The following MASTL variants were observed in gnomAD, a reference collection of about 807,000 sequenced individuals.
MASTL encodes serine/threonine-protein kinase greatwall.
Under a neutral mutation model 82.5 loss-of-function variants are expected in MASTL, and 54 were observed. That is an observed-to-expected ratio of 0.65 (90% CI 0.53 to 0.82). MASTL has a LOEUF of 0.82. Among genes scored for constraint, MASTL ranks in the 40% least tolerant of loss-of-function variants. The pLI, the probability that MASTL is intolerant of heterozygous loss-of-function variation, is 0.00. For synonymous variants in MASTL, 323 were observed against 368.9 expected, an observed-to-expected ratio of 0.88 and a Z score of 1.43; for missense variants, 950 against 1,047.8, an observed-to-expected ratio of 0.91 and a Z score of 1.29.
chr10:27,176,108 A>G (rs2058094248), intron 9 of MASTL, among the ~76,000 whole-genome samples: 1 of 151,892 alleles, frequency 6.6e-6, no homozygotes, highest in East Asian at 1.9e-4. Context: ...AAAAAAAAAA[A>G]AAAAGAAAAC....
rs568696426 is a variant in MASTL, at chr10:27,175,970, A to T, written c.2266+2711A>T. On this transcript the variant is annotated intron_variant, in intron 9 of 11. Transcript: ENST00000375940. The stretch of plus-strand genomic sequence containing the variant: ...AAATTAGCCAGGCGTGGTGGTGTGC[A>T]TCTGTAATCCCAGCTACTCAGGAGG... 2.6e-5 allele frequency among the ~76,000 whole-genome samples: 4 copies of T among 152,014 alleles called. No homozygotes were observed. The South Asian group carries it at 8.3e-4, about 31-fold the overall frequency.
intron 9 of MASTL, among the ~76,000 whole-genome samples, chr10:27,175,429 G>A (rs573565132): frequency 7.9e-4 from 120 of 152,188 alleles, no homozygotes; most frequent in Non-Finnish European, 1.5e-3. Flanking sequence ...TGATCTGCCT[G>A]CCTTGGCCTT....
intron 3 of MASTL, among the ~76,000 whole-genome samples, chr10:27,160,273 A>AGGCATGAGCT (rs1323771884): frequency 1.4e-5 from 2 of 144,518 alleles, no homozygotes; most frequent in Non-Finnish European, 3.0e-5. Context: ...CTACGATTAC[A>AGGCATGAGCT]GGCATGAGCT....
Position 27,159,521 on chromosome 10 carries a change from A to G in MASTL, c.325-98A>G. On this transcript the variant is annotated intron_variant, in intron 2 of 11. Transcript: ENST00000375940. This position sits in a 1 kb window ranked among gnomAD's most constrained non-coding sequence, Gnocchi z 4.0. ...TAGCAAGAAAAGGTCGTTTCATTAC[A>G]GAGCCATGCCAAATATTGTAACTGT... is the stretch of plus-strand genomic sequence containing the variant. The G allele has an allele frequency of 4.9e-6, 4 of 820,466 alleles. No homozygotes were observed. The highest frequency in any genetic ancestry group is 8.0e-6 in the Non-Finnish European group (4 of 496,976). 50.8% of individuals were successfully genotyped at this position (820,466 alleles called of 1,614,324 possible). A position where few individuals can be genotyped will look rare whatever the true frequency, so the allele number is the denominator to read the frequency against.
intron 9 of MASTL, among the ~76,000 whole-genome samples, chr10:27,176,202 C>T (rs953624501): frequency 2.0e-5 from 3 of 152,160 alleles, no homozygotes; most frequent in Non-Finnish European, 4.4e-5. Context: ...TTTGTTCCTA[C>T]ATTCAAGCAT....
At chr10:27,172,202 T>C (rs1031171748) in intron 8 of MASTL, among the ~76,000 whole-genome samples, 1 of 152,184 alleles carries the variant, frequency 6.6e-6, no homozygotes, top group East Asian at 1.9e-4. Context: ...TTTTCTTCCT[T>C]TGGGAAAACA....
At chr10:27,164,686 G>A (rs781360306) in intron 4 of MASTL, among the ~76,000 whole-genome samples, 8 of 151,680 alleles carry the variant, frequency 5.3e-5, no homozygotes, top group East Asian at 1.9e-4. Flanking sequence ...CGCCCTGGTC[G>A]GAGTGCAGTA....
At chr10:27,169,877 A>T in intron 7 of MASTL, 67 bp from the exon 8 acceptor site, 1 of 1,520,312 alleles carries the variant, frequency 6.6e-7, no homozygotes, top group South Asian at 1.1e-5. Context: ...ACCTTAACGG[A>T]CCATAGTTAA....
At chr10:27,165,619 T>G in intron 6 of MASTL, 80 bp downstream of exon 6, 1 of 1,486,676 alleles carries the variant, frequency 6.7e-7, no homozygotes, top group Non-Finnish European at 9.3e-7. Context: ...GAGGCAGGAT[T>G]TCTTTCTTTT....
intron 4 of MASTL, among the ~76,000 whole-genome samples, chr10:27,163,622 GTT>G (rs143968397): frequency 2.0e-4 from 29 of 144,882 alleles, no homozygotes; most frequent in Admixed American, 1.0e-3. Flanking sequence ...TTACTTATTT[GTT>G]TTTTTTTTTT....
intron 4 of MASTL, among the ~76,000 whole-genome samples, chr10:27,163,665 C>T (rs747919404): frequency 1.3e-5 from 2 of 151,080 alleles, no homozygotes; most frequent in South Asian, 2.1e-4. Flanking sequence ...CTTTGTTGCC[C>T]GGGCTGGAGT....
chr10:27,184,695 G>C (rs10764684), intron 11 of MASTL, among the ~76,000 whole-genome samples: 1 of 150,954 alleles, frequency 6.6e-6, no homozygotes, highest in African/African-American at 2.4e-5. Flanking sequence ...CAAATAGCTG[G>C]GACTGCAGCT....
rs762899563 is a variant in MASTL at position 27,155,538 on chromosome 10, G to C, written c.112G>C (p.Val38Leu). 1 of 1,614,220 alleles carries C rather than the reference G, an allele frequency of 6.2e-7. No individual in the cohort carries two copies. The highest frequency in any genetic ancestry group is 8.5e-7 in the Non-Finnish European group (1 of 1,180,026). The change falls in exon 1 of 12, where the codon GTG (valine) becomes CTG (leucine). Residue 38 changes from valine (V) to leucine (L), a missense_variant. By Grantham distance (32) the Val-to-Leu change is conservative. Transcript: ENST00000375940. ...KPPSIEEFSI[V>L]KPISRGAFGK... ...GCCCTCCATTGAGGAATTCAGCATA[G>C]TGAAGCCCATTAGCCGGGGCGCCTT...
chr10:27,161,018 C>T, intron 3 of MASTL, 76 bp from the exon 4 acceptor site: 1 of 963,754 alleles, frequency 1.0e-6, no homozygotes, highest in Non-Finnish European at 1.7e-6. Context: ...TCCTTTGTAA[C>T]TCTTTTTTTC....
chr10:27,185,623 A>C (rs2058668656), intron 11 of MASTL, among the ~76,000 whole-genome samples: 1 of 149,208 alleles, frequency 6.7e-6, no homozygotes, highest in East Asian at 2.0e-4. Flanking sequence ...ACAGACAAAA[A>C]AAAAAAAAAA....
chr10:27,186,593 T>G lies in MASTL; in HGVS notation c.*57T>G. ...GTTATAGAATGAACTTGCATAATTA[T>G]ATACTCCTTAATACTAGATTGATCT... is the stretch of plus-strand genomic sequence containing the variant. On this transcript the variant is annotated 3_prime_UTR_variant, in exon 12 of 12. Transcript: ENST00000375940. 2 of 1,401,052 alleles carry G rather than the reference T, an allele frequency of 1.4e-6. No individual in the cohort carries two copies. The highest frequency in any genetic ancestry group is 2.0e-6 in the Non-Finnish European group (2 of 984,804). 86.8% of individuals were successfully genotyped at this position (1,401,052 alleles called of 1,614,324 possible).
At chr10:27,182,189 T>A (rs528629959) in intron 11 of MASTL, among the ~76,000 whole-genome samples, 1 of 150,704 alleles carries the variant, frequency 6.6e-6, no homozygotes, top group East Asian at 1.9e-4. Flanking sequence ...AGGCGGACAT[T>A]GCAGTGACCA....
At position 27,167,228 on chromosome 10, in the gene MASTL, T is replaced by TG; in HGVS notation, c.940dup (p.Glu314GlyfsTer18). ...CAATCCCACACCTTCATATCCAGTG[T>TG]GGAATCAGAATGCCACAGCAGTCCC... is the stretch of plus-strand genomic sequence containing the variant. On this transcript the variant is annotated frameshift_variant, in exon 7 of 12. Coordinates refer to ENST00000375940, the MANE Select transcript of MASTL (RefSeq NM_001172303.3). LOFTEE classifies it high-confidence loss of function. 1 of 1,614,150 alleles carries TG rather than the reference T, an allele frequency of 6.2e-7. No homozygotes were observed. The highest frequency in any genetic ancestry group is 2.2e-5 in the East Asian group (1 of 44,880).
rs751077215 is a variant in MASTL at position 27,169,924 on chromosome 10, AAT to A, written c.985-17_985-16del. On this transcript the variant is annotated intron_variant, in intron 7 of 11. Transcript: ENST00000375940. ...ATCTCAGCTTTATATAACTAAAACA[AAT>A]ATTTTTTTCCCTCTTAGGAAAGTGA... 8.1e-6 allele frequency: 13 copies of A among 1,613,120 alleles called. No individual in the cohort carries two copies. The highest frequency in any genetic ancestry group is 1.1e-5 in the Non-Finnish European group (13 of 1,179,456).
Sources: allele counts gnomAD v4.1 joint callset (sites outside exome capture counted in the v4.1 genomes callset), GRCh38; gene constraint gnomAD v4.1.1; non-coding constraint Gnocchi (gnomAD v3.1); transcripts MANE v1.5; gene names NCBI Gene and HGNC (gene_info 2026-07-23, HGNC 2026-07-21).